RHBDD1: variants seen among roughly 807,000 people sequenced by gnomAD.
The protein encoded by RHBDD1 is rhomboid domain containing 1, also known as rhomboid-related protein 4.
A neutral mutation model predicts 36.3 loss-of-function variants in RHBDD1; 38 were observed. The observed-to-expected ratio is 1.05, with a 90% confidence interval of 0.81 to 1.37. The LOEUF is 1.37. Among genes scored for constraint, RHBDD1 ranks in the 40% most tolerant of loss-of-function variants. The probability of loss-of-function intolerance (pLI) is 0.00; values close to 1 mark genes in which losing one functional copy is unlikely to be tolerated. For missense variants in RHBDD1, 393 were observed against 377.6 expected, an observed-to-expected ratio of 1.04 and a Z score of -0.34; for synonymous variants, 151 against 136.5, an observed-to-expected ratio of 1.11 and a Z score of -0.74.
At chr2:226,981,917 A>C (rs1955857040) in intron 8 of RHBDD1, among the ~76,000 whole-genome samples, 1 of 152,208 alleles carries the variant, frequency 6.6e-6, no homozygotes, top group African/African-American at 2.4e-5. Context: ...ATCTACTCCA[A>C]ACAGATAAAG....
chr2:226,824,978 A>C, the RHBDD1 span, among the ~76,000 whole-genome samples: 8 of 152,218 alleles, frequency 5.3e-5, no homozygotes, highest in Admixed American at 2.0e-4. Flanking sequence ...AATGCCTAAG[A>C]ATCATCTGCT....
At chr2:226,965,010 T>G (rs1042582847) in intron 8 of RHBDD1, among the ~76,000 whole-genome samples, 32 of 152,172 alleles carry the variant, frequency 2.1e-4, no homozygotes, top group African/African-American at 7.5e-4. Context: ...TAGAGCATCA[T>G]AGTGGGTTGA....
In RHBDD1 at chr2:226,997,142, C is replaced by T. The variant is rs2149635891; in HGVS notation, c.*1620C>T. The T allele has an allele frequency of 6.6e-6, 1 of 152,310 alleles. No homozygotes were observed. 9.4% of individuals were successfully genotyped at this position (152,310 alleles called of 1,614,324 possible). On this transcript the variant is annotated 3_prime_UTR_variant, in exon 9 of 9. Transcript: ENST00000392062. ...TGGAGCCTTGGGAGCTCTTTGGCCTCCTGGCTGGCCCAGTAATATCTGAGC... is the reference window on the plus strand; with the variant it reads ...TGGAGCCTTGGGAGCTCTTTGGCCTTCTGGCTGGCCCAGTAATATCTGAGC...
intron 8 of RHBDD1, among the ~76,000 whole-genome samples, chr2:226,972,730 C>G (rs1192017381): frequency 6.6e-6 from 1 of 152,174 alleles, no homozygotes; most frequent in South Asian, 2.1e-4. Context: ...ACTGGTCTCT[C>G]GAGTCCAGGG....
intron 8 of RHBDD1, among the ~76,000 whole-genome samples, chr2:226,933,083 T>C (rs1950130912): frequency 6.6e-6 from 1 of 152,062 alleles, no homozygotes; most frequent in South Asian, 2.1e-4. Flanking sequence ...CAGAGGCTTA[T>C]AAAACCATCA....
At chr2:226,820,085 T>C in the RHBDD1 span, among the ~76,000 whole-genome samples, 1 of 151,722 alleles carries the variant, frequency 6.6e-6, no homozygotes, top group Non-Finnish European at 1.5e-5. Flanking sequence ...GTTTCAAGTC[T>C]CTCCCATTTT....
At chr2:226,912,398 C>A (rs1449584396) in intron 7 of RHBDD1, among the ~76,000 whole-genome samples, 2 of 152,090 alleles carry the variant, frequency 1.3e-5, no homozygotes, top group African/African-American at 4.8e-5. Context: ...TAAAAACTTG[C>A]TCACAAATGT....
At chr2:226,917,643 T>G (rs185461717) in intron 8 of RHBDD1, among the ~76,000 whole-genome samples, 3 of 152,250 alleles carry the variant, frequency 2.0e-5, no homozygotes, top group African/African-American at 7.2e-5. Flanking sequence ...TGAATTACTT[T>G]TGCTATCTGA....
At chr2:226,974,824 G>A (rs75193400) in intron 8 of RHBDD1, among the ~76,000 whole-genome samples, 7,665 of 152,202 alleles carry the variant, frequency 0.05, 304 homozygotes, top group Non-Finnish European at 0.071. Flanking sequence ...CGGTGTCATC[G>A]TATAATTGGA....
chr2:226,990,718 A>C (rs2149557974), intron 8 of RHBDD1, among the ~76,000 whole-genome samples: 1 of 152,304 alleles, frequency 6.6e-6, no homozygotes, highest in South Asian at 2.1e-4. Context: ...ACCACAAATC[A>C]ATAAATTTTA....
At chr2:226,817,792 C>T in the RHBDD1 span, among the ~76,000 whole-genome samples, 2 of 152,190 alleles carry the variant, frequency 1.3e-5, no homozygotes, top group Non-Finnish European at 2.9e-5. Flanking sequence ...GGTGCTCACG[C>T]AAAGTTAGAT....
chr2:226,947,612 T>C (rs1951076132), intron 8 of RHBDD1, among the ~76,000 whole-genome samples: 1 of 152,184 alleles, frequency 6.6e-6, no homozygotes, highest in Admixed American at 6.5e-5. Context: ...ATATGAACTT[T>C]AAAGTAGTTT....
At chr2:226,943,086 A>G (rs1345109780) in intron 8 of RHBDD1, among the ~76,000 whole-genome samples, 2 of 152,190 alleles carry the variant, frequency 1.3e-5, no homozygotes, top group Admixed American at 6.5e-5. Flanking sequence ...TACAGTCACA[A>G]ACAGCCTCAA....
At chr2:226,893,937 T>C (rs1330668665) in intron 5 of RHBDD1, among the ~76,000 whole-genome samples, 1 of 152,218 alleles carries the variant, frequency 6.6e-6, no homozygotes, top group African/African-American at 2.4e-5. Context: ...AACCTAAGTG[T>C]GCTTTTCAAA....
intron 8 of RHBDD1, among the ~76,000 whole-genome samples, chr2:226,964,440 C>T (rs1230708691): frequency 6.6e-6 from 1 of 152,154 alleles, no homozygotes; most frequent in Non-Finnish European, 1.5e-5. Context: ...GGTCTGGTCT[C>T]TTTCCTGGGT....
intron 7 of RHBDD1, among the ~76,000 whole-genome samples, chr2:226,912,934 A>G (rs10193316): frequency 0.45 from 67,672 of 151,986 alleles, 15,297 homozygotes; most frequent in South Asian, 0.55. Context: ...TTTATATAAA[A>G]AACTAGTGTG....
chr2:226,961,646 A>G (rs1952209306), intron 8 of RHBDD1, among the ~76,000 whole-genome samples: 1 of 152,158 alleles, frequency 6.6e-6, no homozygotes, highest in African/African-American at 2.4e-5. Flanking sequence ...CCAAGCCCTA[A>G]CTGACCCCAG....
chr2:226,884,767 A>G (rs1946074773), intron 5 of RHBDD1, among the ~76,000 whole-genome samples: 1 of 152,210 alleles, frequency 6.6e-6, no homozygotes, highest in Non-Finnish European at 1.5e-5. Flanking sequence ...GCTTTGCCTC[A>G]CTAGACTCTA....
intron 8 of RHBDD1, among the ~76,000 whole-genome samples, chr2:226,973,141 C>G (rs1054366784): frequency 1.3e-5 from 2 of 152,120 alleles, no homozygotes; most frequent in Non-Finnish European, 2.9e-5. Flanking sequence ...TTCAGTATTT[C>G]CTTTTTGCAG....
Sources: allele counts gnomAD v4.1 joint callset (sites outside exome capture counted in the v4.1 genomes callset), GRCh38; gene constraint gnomAD v4.1.1; transcripts MANE v1.5; gene names NCBI Gene and HGNC (gene_info 2026-07-23, HGNC 2026-07-21).